Variants in UBE2R2 observed in about 807,000 individuals in gnomAD.
UBE2R2 encodes the protein ubiquitin-conjugating enzyme E2 R2.
A neutral mutation model predicts 27.8 loss-of-function variants in UBE2R2; 1 was observed. The observed-to-expected ratio is 0.04, with a 90% CI of 0.01 to 0.17. UBE2R2 has a LOEUF of 0.17. UBE2R2 is among the 10% of genes least tolerant of loss of function. The pLI, the probability that UBE2R2 is intolerant of heterozygous loss-of-function variation, is 1.00. For missense variants in UBE2R2, 100 were observed against 291.0 expected, an observed-to-expected ratio of 0.34 and a Z score of 4.78; for synonymous variants, 106 against 113.3, an observed-to-expected ratio of 0.94 and a Z score of 0.41.
In UBE2R2 at chr9:33,846,294, AAAAAT is replaced by A. The variant is rs1243369290; in HGVS notation, c.177+28372_177+28376del. Among the ~76,000 whole-genome samples, 8 of 152,254 alleles carry A rather than the reference AAAAAT, an allele frequency of 5.3e-5. No homozygotes were observed. In the East Asian group the frequency reaches 7.7e-4, roughly 15 times the overall value. ...CTAGGTAACAGCGAAACTCCATCTC[AAAAAT>A]AAAATAAAATATTCTAATTTTTTGC... On this transcript the variant is annotated intron_variant, in intron 1 of 4. Coordinates refer to ENST00000263228, the MANE Select transcript of UBE2R2 (RefSeq NM_017811.4).
chr9:33,835,903 A>C (rs1287488311), intron 1 of UBE2R2, among the ~76,000 whole-genome samples: 1 of 152,200 alleles, frequency 6.6e-6, no homozygotes, highest in African/African-American at 2.4e-5. Flanking sequence ...TTGTAGAAGA[A>C]AGTAAAGATA....
Position 33,875,162 on chromosome 9 carries a change from C to T in UBE2R2, c.178-11719C>T, listed in dbSNP as rs574653961. Reference sequence around the variant, plus strand: ...ACTTTAAATGAAAATTACTACAGCACCAACTAAATAACATGTATTTTTGAG... The same window carrying T: ...ACTTTAAATGAAAATTACTACAGCATCAACTAAATAACATGTATTTTTGAG... On this transcript the variant is annotated intron_variant, in intron 1 of 4. Transcript: ENST00000263228. Among the ~76,000 whole-genome samples, 28 of 152,150 alleles carry T rather than the reference C, an allele frequency of 1.8e-4. No individual in the cohort carries two copies. In the South Asian group the frequency reaches 5.4e-3, roughly 29 times the overall value.
chr9:33,901,648 G>A (rs960452730), intron 3 of UBE2R2, among the ~76,000 whole-genome samples: 2 of 152,070 alleles, frequency 1.3e-5, no homozygotes, highest in Non-Finnish European at 2.9e-5. Flanking sequence ...TGAAGAATTG[G>A]AAGCTTCCTG....
intron 4 of UBE2R2, among the ~76,000 whole-genome samples, chr9:33,915,158 C>T (rs1401861107): frequency 6.6e-6 from 1 of 151,326 alleles, no homozygotes; most frequent in East Asian, 1.9e-4. Context: ...AAATAGTTGG[C>T]CAGGGGACCA....
Position 33,917,394 on chromosome 9 carries a change from C to A in UBE2R2, c.*157C>A. ...GACTCCCCTTATGGATCTCAGTTTGCTCCTTTTTATGGACCTTTAATGGAG... is the reference window on the plus strand; with the variant it reads ...GACTCCCCTTATGGATCTCAGTTTGATCCTTTTTATGGACCTTTAATGGAG... On this transcript the variant is annotated 3_prime_UTR_variant, in exon 5 of 5. Transcript: ENST00000263228. The A allele has an allele frequency of 8.6e-7, 1 of 1,158,128 alleles. No individual in the cohort carries two copies. Among genetic ancestry groups the A allele is most frequent in the Non-Finnish European group, 1.2e-6 (1 of 834,930 alleles). The allele number at this position is 1,158,128 out of a possible 1,614,324, so 71.7% of individuals were successfully genotyped here.
At chr9:33,878,844 A>G (rs1821670694) in intron 1 of UBE2R2, among the ~76,000 whole-genome samples, 1 of 152,130 alleles carries the variant, frequency 6.6e-6, no homozygotes, top group Non-Finnish European at 1.5e-5. Context: ...GGGCACAGGA[A>G]GATTGTGAGT....
At chr9:33,821,658 C>T (rs1825983922) in intron 1 of UBE2R2, among the ~76,000 whole-genome samples, 1 of 151,918 alleles carries the variant, frequency 6.6e-6, no homozygotes, top group Non-Finnish European at 1.5e-5. Flanking sequence ...ACTCTTTTGC[C>T]AGGCTGGAGT....
chr9:33,847,326 C>T (rs564173700), intron 1 of UBE2R2, among the ~76,000 whole-genome samples: 1 of 152,216 alleles, frequency 6.6e-6, no homozygotes, highest in East Asian at 1.9e-4. Flanking sequence ...TGAACTCTGG[C>T]CTCAAGTGAT....
intron 2 of UBE2R2, among the ~76,000 whole-genome samples, chr9:33,898,498 A>G (rs1459158789): frequency 6.6e-6 from 1 of 152,060 alleles, no homozygotes; most frequent in East Asian, 1.9e-4. Flanking sequence ...TATATTGATA[A>G]TGGTTACATA....
intron 1 of UBE2R2, among the ~76,000 whole-genome samples, chr9:33,885,691 G>C (rs1277025143): frequency 6.6e-6 from 1 of 152,194 alleles, no homozygotes; most frequent in African/African-American, 2.4e-5. Flanking sequence ...CACGTAGCTT[G>C]ATGTTCTTAC....
chr9:33,841,781 T>C (rs954067507), intron 1 of UBE2R2, among the ~76,000 whole-genome samples: 1 of 152,160 alleles, frequency 6.6e-6, no homozygotes, highest in Admixed American at 6.6e-5. Flanking sequence ...AACTAGAATA[T>C]CCTCATTATT....
intron 1 of UBE2R2, among the ~76,000 whole-genome samples, chr9:33,866,059 T>C (rs955822431): frequency 2.6e-5 from 4 of 151,914 alleles, no homozygotes; most frequent in African/African-American, 7.3e-5. Flanking sequence ...CTCGAACTCC[T>C]GACCTCAGGT....
In UBE2R2 at chr9:33,838,785, A is replaced by G. The variant is rs113410083; in HGVS notation, c.177+20851A>G. Among the ~76,000 whole-genome samples, 7 of 152,130 alleles carry G rather than the reference A, an allele frequency of 4.6e-5. No homozygotes were observed. The East Asian group carries it at 7.7e-4, about 17-fold the overall frequency. On this transcript the variant is annotated intron_variant, in intron 1 of 4. Coordinates refer to ENST00000263228, the MANE Select transcript of UBE2R2 (RefSeq NM_017811.4). The stretch of plus-strand genomic sequence containing the variant: ...TAAAGCAACAGTATTATTGTTTTAC[A>G]TAGTTGCTGTGGTCTGGCCAGTCGT...
At chr9:33,852,336 T>G (rs946165078) in intron 1 of UBE2R2, among the ~76,000 whole-genome samples, 4 of 152,090 alleles carry the variant, frequency 2.6e-5, no homozygotes, top group Non-Finnish European at 4.4e-5. Flanking sequence ...CACACTAGTG[T>G]TATTTCTAGC....
intron 1 of UBE2R2, among the ~76,000 whole-genome samples, chr9:33,860,543 CTTTA>C (rs746745942): frequency 1.1e-4 from 16 of 152,088 alleles, no homozygotes; most frequent in East Asian, 1.9e-4. Flanking sequence ...TTTTGTTTGA[CTTTA>C]TTTGTTTTAT....
chr9:33,885,046 T>G (rs1198293739), intron 1 of UBE2R2, among the ~76,000 whole-genome samples: 1 of 152,222 alleles, frequency 6.6e-6, no homozygotes, highest in East Asian at 1.9e-4. Flanking sequence ...CTTGGTTTTC[T>G]AGAACCAGTT....
intron 3 of UBE2R2, 55 bp from the exon 4 acceptor site, chr9:33,911,909 T>TTTTAAAAGTATTTAAATTTA: frequency 6.5e-7 from 1 of 1,536,368 alleles, no homozygotes; most frequent in Non-Finnish European, 8.8e-7. Context: ...AGCAGAATAC[T>TTTTAAAAGTATTTAAATTTA]TTTAAATACT....
chr9:33,863,716 G>A lies in UBE2R2; in HGVS notation c.178-23165G>A, dbSNP rs117900264. 2.5e-3 allele frequency among the ~76,000 whole-genome samples: 379 copies of A among 152,104 alleles called. 2 individuals carry two copies. The highest frequency in any genetic ancestry group is 4.1e-3 in the Admixed American group (63 of 15,256). On this transcript the variant is annotated intron_variant, in intron 1 of 4. Coordinates refer to ENST00000263228, the MANE Select transcript of UBE2R2 (RefSeq NM_017811.4). ...TGTTTGTTTTTTGAGATAGAATCTC[G>A]TTGTGTCATTCACTCTGCTGGAGTG... is the stretch of plus-strand genomic sequence containing the variant.
At chr9:33,844,858 C>T (rs937729261) in intron 1 of UBE2R2, among the ~76,000 whole-genome samples, 10 of 151,776 alleles carry the variant, frequency 6.6e-5, no homozygotes, top group African/African-American at 2.4e-4. Context: ...CTTCCACCTC[C>T]CGGGTTCAAG....
Sources: allele counts gnomAD v4.1 joint callset (sites outside exome capture counted in the v4.1 genomes callset), GRCh38; gene constraint gnomAD v4.1.1; transcripts MANE v1.5; gene names NCBI Gene and HGNC (gene_info 2026-07-23, HGNC 2026-07-21).